The following LPCAT2 variants were observed in gnomAD, a reference collection of about 807,000 sequenced individuals.
LPCAT2 encodes lysophosphatidylcholine acyltransferase 2, also known as 1-AGP acyltransferase 11.
Under a neutral mutation model 64.7 loss-of-function variants are expected in LPCAT2, and 58 were observed. That is an observed-to-expected ratio of 0.90 (90% CI 0.73 to 1.12). The LOEUF (loss-of-function observed/expected upper bound fraction) is 1.12, where lower values mean the gene tolerates loss of function less well. Ranked by LOEUF, LPCAT2 falls within the 50% of genes most tolerant of loss-of-function variation. The probability of loss-of-function intolerance (pLI) is 0.00; values close to 1 mark genes in which losing one functional copy is unlikely to be tolerated. For synonymous variants in LPCAT2, 252 were observed against 245.3 expected (o/e 1.03, Z -0.26); for missense variants, 579 against 669.8 (o/e 0.86, Z 1.50).
intron 13 of LPCAT2, 133 bp downstream of exon 13, chr16:55,579,377 G>A: frequency 2.4e-6 from 2 of 821,862 alleles, no homozygotes; most frequent in South Asian, 2.1e-5. Flanking sequence ...GATGACCACA[G>A]TAATAATAGT....
intron 1 of LPCAT2, among the ~76,000 whole-genome samples, chr16:55,524,412 A>T (rs569776542): frequency 2.0e-5 from 3 of 151,940 alleles, no homozygotes; most frequent in African/African-American, 4.8e-5. Context: ...ATAGGGTTTG[A>T]CTAGAAGAGA....
intron 12 of LPCAT2, 81 bp downstream of exon 12, chr16:55,574,810 G>A: frequency 9.9e-7 from 1 of 1,010,142 alleles, no homozygotes; most frequent in East Asian, 2.4e-5. Flanking sequence ...GAAAATCAGT[G>A]AATCTATTAT....
chr16:55,541,423 G>C (rs1963395202), intron 8 of LPCAT2: 2 of 152,226 alleles, frequency 1.3e-5, no homozygotes. Flanking sequence ...AAGATTCAAA[G>C]ACATTTATAT....
At position 55,549,323 on chromosome 16, in the gene LPCAT2, T is replaced by TTGA; in HGVS notation, c.987_989dup (p.Met329dup). 1 of 1,604,720 alleles carries TTGA rather than the reference T, an allele frequency of 6.2e-7. No individual in the cohort carries two copies. Among genetic ancestry groups the TTGA allele is most frequent in the Non-Finnish European group, 8.5e-7 (1 of 1,175,840 alleles). ...AGATCATACCTATGAAGACTGCAGA[T>TTGA]TGATGATTTCAGCAGGACAGCTAAC... On this transcript the variant is annotated inframe_insertion, in exon 10 of 14. Coordinates refer to ENST00000262134, the MANE Select transcript of LPCAT2 (RefSeq NM_017839.5).
At position 55,584,963 on chromosome 16, in the gene LPCAT2, A is replaced by G. The variant is rs1196231954; in HGVS notation, c.*1865A>G. On this transcript the variant is annotated 3_prime_UTR_variant, in exon 14 of 14. Transcript: ENST00000262134. ...ATGTATGTAATACTAAAAAATCATG[A>G]CTACTTTTATCAAAGAAAAACCACA... 1 of 152,214 alleles carries G rather than the reference A, an allele frequency of 6.6e-6. No homozygotes were observed. 9.4% of individuals were successfully genotyped at this position (152,214 alleles called of 1,614,324 possible).
chr16:55,529,715 A>G (rs1190741697), intron 3 of LPCAT2, 120 bp from the exon 4 acceptor site: 7 of 451,062 alleles, frequency 1.6e-5, no homozygotes, highest in Non-Finnish European at 2.7e-5. Flanking sequence ...TTGTTTTTTA[A>G]TTGTTCTCTT....
chr16:55,527,443 G>A (rs1963186331), intron 2 of LPCAT2, among the ~76,000 whole-genome samples: 2 of 138,366 alleles, frequency 1.4e-5, no homozygotes, highest in African/African-American at 2.8e-5. Context: ...TTGCACCACC[G>A]CACTCCAGCC....
In LPCAT2 at chr16:55,512,812, C is replaced by T. The variant is rs1009754548; in HGVS notation, c.171+3460C>T. Reference sequence around the variant, plus strand: ...CTTGGCAAACATCTCAGGCTTTACACTGAAACCTCACAAAGGTGATACCAT... The same window carrying T: ...CTTGGCAAACATCTCAGGCTTTACATTGAAACCTCACAAAGGTGATACCAT... On this transcript the variant is annotated intron_variant, in intron 1 of 13. Coordinates refer to ENST00000262134, the MANE Select transcript of LPCAT2 (RefSeq NM_017839.5). Among the ~76,000 whole-genome samples the T allele has an allele frequency of 9.2e-5, 14 of 152,294 alleles. No homozygotes were observed. The East Asian group carries it at 2.7e-3, about 29-fold the overall frequency.
chr16:55,559,529 ATGTAGGGTGC>A (rs1247971604), intron 11 of LPCAT2, among the ~76,000 whole-genome samples: 1 of 152,136 alleles, frequency 6.6e-6, no homozygotes, highest in Non-Finnish European at 1.5e-5. Context: ...CTGTTACAGA[ATGTAGGGTGC>A]TGTAGTGTGC....
intron 3 of LPCAT2, among the ~76,000 whole-genome samples, chr16:55,529,251 C>T (rs1439867171): frequency 6.6e-6 from 1 of 152,098 alleles, no homozygotes; most frequent in East Asian, 1.9e-4. Flanking sequence ...GATGTTGCCT[C>T]AGTGCTCTGG....
Position 55,574,677 on chromosome 16 carries a change from C to A in LPCAT2, c.1262C>A (p.Ala421Asp). 6.2e-7 allele frequency: 1 copy of A among 1,613,610 alleles called. No individual in the cohort carries two copies. Among genetic ancestry groups the A allele is most frequent in the South Asian group, 1.1e-5 (1 of 91,066 alleles). ...TTCCGAGAGTATGTGATTGGCCTGG[C>A]TGTCTTGTGCAACCCTTCCAACACA... is the stretch of plus-strand genomic sequence containing the variant. ...IDFREYVIGLAVLCNPSNTEE... is the reference protein window; with the variant it reads ...IDFREYVIGLDVLCNPSNTEE... The change falls in exon 12 of 14, where the codon GCT becomes GAT. Residue 421 changes from alanine to aspartate, a missense_variant. By Grantham distance (126) the Ala-to-Asp change is moderately radical. Coordinates refer to ENST00000262134, the MANE Select transcript of LPCAT2 (RefSeq NM_017839.5).
chr16:55,559,225 G>C (rs1963608750), intron 11 of LPCAT2, among the ~76,000 whole-genome samples: 1 of 152,098 alleles, frequency 6.6e-6, no homozygotes, highest in Admixed American at 6.5e-5. Context: ...TTTAACAATG[G>C]TCATGATTTT....
intron 3 of LPCAT2, 40 bp from the exon 4 acceptor site, chr16:55,529,795 C>CA: frequency 2.2e-6 from 3 of 1,337,924 alleles, no homozygotes; most frequent in East Asian, 2.4e-5. Context: ...TTGCTTTAGC[C>CA]AAAAAATGGC....
chr16:55,509,279 C>A lies in LPCAT2; in HGVS notation c.98C>A (p.Ala33Glu). The change falls in exon 1 of 14, where the codon GCG (alanine) becomes GAG (glutamate). Residue 33 changes from alanine (A) to glutamate (E), a missense_variant. Transcript: ENST00000262134. ...CGGCCGCCCATGGTGCCCCGTCAGGCGTCCTTCTTCCCGCCGCCGGTGCCG... is the reference window on the plus strand; with the variant it reads ...CGGCCGCCCATGGTGCCCCGTCAGGAGTCCTTCTTCCCGCCGCCGGTGCCG... ...GLRPPMVPRQ[A>E]SFFPPPVPNP... The A allele has an allele frequency of 6.6e-7, 1 of 1,512,264 alleles. No individual in the cohort carries two copies. The highest frequency in any genetic ancestry group is 8.9e-7 in the Non-Finnish European group (1 of 1,122,846). The allele number at this position is 1,512,264 out of a possible 1,614,324, so 93.7% of individuals were successfully genotyped here.
chr16:55,575,277 C>T (rs1046679182), intron 12 of LPCAT2, among the ~76,000 whole-genome samples: 1 of 152,102 alleles, frequency 6.6e-6, no homozygotes, highest in African/African-American at 2.4e-5. Flanking sequence ...AAATTGGGAG[C>T]AGATGAATAA....
At chr16:55,580,977 TC>T (rs1450699702) in intron 13 of LPCAT2, among the ~76,000 whole-genome samples, 1 of 152,190 alleles carries the variant, frequency 6.6e-6, no homozygotes, top group Non-Finnish European at 1.5e-5. Context: ...GGAAAAATTG[TC>T]TTCCATGAAA....
Position 55,567,123 on chromosome 16 carries a change from A to ACCTG in LPCAT2, c.1216-7505_1216-7502dup, listed in dbSNP as rs1229860461. ...TAAGACTGACGGTTTTAGTCTTGAC[A>ACCTG]CCTGCCGGAGCATTGTGTCTGTCAT... On this transcript the variant is annotated intron_variant, in intron 11 of 13. Transcript: ENST00000262134. The ACCTG allele has an allele frequency of 8.1e-6, 13 of 1,613,654 alleles. No individual in the cohort carries two copies. The Admixed American group carries it at 2.0e-4, about 25-fold the overall frequency.
intron 1 of LPCAT2, among the ~76,000 whole-genome samples, chr16:55,519,222 C>T (rs1379086014): frequency 1.3e-5 from 2 of 151,870 alleles, no homozygotes; most frequent in South Asian, 2.1e-4. Flanking sequence ...GTAAAGAGGC[C>T]GGGCACGGTG....
rs1352935159 is a variant in LPCAT2 at position 55,584,812 on chromosome 16, T to C, written c.*1714T>C. 6.6e-6 allele frequency: 1 copy of C among 152,222 alleles called. No homozygotes were observed. Among genetic ancestry groups the C allele is most frequent in the African/African-American group, 2.4e-5 (1 of 41,474 alleles). 9.4% of individuals were successfully genotyped at this position (152,222 alleles called of 1,614,324 possible). A position where few individuals can be genotyped will look rare whatever the true frequency, so the allele number is the denominator to read the frequency against. ...GGATAAATATCTGAAAATTTTATCC[T>C]TAAGTATATATAATTATTTGCCTCT... On this transcript the variant is annotated 3_prime_UTR_variant, in exon 14 of 14. Transcript: ENST00000262134.
Sources: allele counts gnomAD v4.1 joint callset (sites outside exome capture counted in the v4.1 genomes callset), GRCh38; gene constraint gnomAD v4.1.1; transcripts MANE v1.5; gene names NCBI Gene and HGNC (gene_info 2026-07-23, HGNC 2026-07-21).